The following EPB41L2 variants were observed in gnomAD, a reference collection of about 807,000 sequenced individuals.
The protein encoded by EPB41L2 is erythrocyte membrane protein band 4.1 like 2, also known as band 4.1-like protein 2.
A neutral mutation model predicts 113.0 loss-of-function variants in EPB41L2; 43 were observed. The ratio of observed to expected loss-of-function variants is 0.38; its 90% confidence interval spans 0.30 to 0.49. The LOEUF is 0.49. Among genes scored for constraint, EPB41L2 ranks in the 20% least tolerant of loss-of-function variants. The probability of loss-of-function intolerance (pLI) is 0.95; values close to 1 mark genes in which losing one functional copy is unlikely to be tolerated. For missense variants in EPB41L2, 1,147 were observed against 1,223.4 expected (o/e 0.94, Z 0.93); for synonymous variants, 442 against 436.7 (o/e 1.01, Z -0.15).
At chr6:130,903,060 C>T (rs886318566) in intron 6 of EPB41L2, among the ~76,000 whole-genome samples, 3 of 152,064 alleles carry the variant, frequency 2.0e-5, no homozygotes, top group African/African-American at 7.2e-5. Context: ...CTATATTGTT[C>T]CTCCCACTAG....
In EPB41L2 at chr6:130,890,474, AG is replaced by A. The variant is rs35374139; in HGVS notation, c.1488-9del. ...TGCTCTGGAGAAACAAGCCTATGGG[AG>A]GAAAAAAAAAAAAAAAGAGAGAGAG... is the stretch of plus-strand genomic sequence containing the variant. On this transcript the variant is annotated splice_polypyrimidine_tract_variant and intron_variant, in intron 10 of 19. Coordinates refer to ENST00000337057, the MANE Select transcript of EPB41L2 (RefSeq NM_001431.4). 0.11 allele frequency: 167,077 copies of A among 1,453,964 alleles called. 3,322 individuals are homozygous for A. The highest frequency in any genetic ancestry group is 0.24 in the African/African-American group (15,335 of 64,196). The allele number at this position is 1,453,964 out of a possible 1,614,324, so 90.1% of individuals were successfully genotyped here. A position where few individuals can be genotyped will look rare whatever the true frequency, so the allele number is the denominator to read the frequency against.
At chr6:130,952,981 T>C (rs1719704169) in intron 3 of EPB41L2, among the ~76,000 whole-genome samples, 1 of 150,356 alleles carries the variant, frequency 6.7e-6, no homozygotes, top group Admixed American at 6.7e-5. Flanking sequence ...AGTACGTTGG[T>C]CAGTCTTGTG....
At chr6:130,958,595 C>T (rs994617197) in intron 1 of EPB41L2, among the ~76,000 whole-genome samples, 1 of 151,236 alleles carries the variant, frequency 6.6e-6, no homozygotes, top group Admixed American at 6.6e-5. Flanking sequence ...ATTATTCAGA[C>T]AAAATAGCCA....
chr6:130,964,656 A>AAAT (rs879811797), intron 1 of EPB41L2, among the ~76,000 whole-genome samples: 146 of 151,826 alleles, frequency 9.6e-4, no homozygotes, highest in African/African-American at 2.8e-3. Context: ...TTGTTTACTA[A>AAAT]AATAATAATA....
intron 6 of EPB41L2, among the ~76,000 whole-genome samples, 192 bp from the exon 7 acceptor site, chr6:130,901,372 A>G (rs1796255020): frequency 1.3e-5 from 2 of 152,200 alleles, no homozygotes; most frequent in Non-Finnish European, 1.5e-5. Context: ...CTTGTGGCTT[A>G]TTTATAGAAA....
Position 130,952,059 on chromosome 6 carries a change from T to A in EPB41L2, c.705+3046A>T, listed in dbSNP as rs1335282668. ...TACTGCAACATAACCTAGTGAAAGC[T>A]GACAGTGATCAAACAAATGCAAGTT... On this transcript the variant is annotated intron_variant, in intron 3 of 19. Coordinates refer to ENST00000337057, the MANE Select transcript of EPB41L2 (RefSeq NM_001431.4). Among the ~76,000 whole-genome samples the A allele has an allele frequency of 5.9e-5, 9 of 152,184 alleles. 1 individual carries two copies. Among genetic ancestry groups the A allele is most frequent in the Admixed American group, 5.9e-4 (9 of 15,278 alleles).
intron 1 of EPB41L2, among the ~76,000 whole-genome samples, chr6:131,050,840 C>T (rs781555584): frequency 2.2e-4 from 33 of 152,250 alleles, no homozygotes; most frequent in Admixed American, 8.5e-4. Context: ...ATGATCTGTC[C>T]GCCTTGGCCT....
chr6:130,932,091 C>T (rs985855892), intron 3 of EPB41L2, among the ~76,000 whole-genome samples: 2 of 152,058 alleles, frequency 1.3e-5, no homozygotes, highest in African/African-American at 4.8e-5. Flanking sequence ...TTTTGAGCTG[C>T]TCTAAAATAA....
intron 1 of EPB41L2, among the ~76,000 whole-genome samples, chr6:131,008,517 G>T (rs1459738536): frequency 6.6e-6 from 1 of 152,256 alleles, no homozygotes; most frequent in Non-Finnish European, 1.5e-5. Context: ...CTGGGGCACT[G>T]CATGGTGAAG....
chr6:131,053,742 T>C (rs980921184), intron 1 of EPB41L2, among the ~76,000 whole-genome samples: 2 of 152,242 alleles, frequency 1.3e-5, no homozygotes, highest in African/African-American at 2.4e-5. Context: ...ATTCTACATT[T>C]ATGAGAAACA....
intron 1 of EPB41L2, among the ~76,000 whole-genome samples, chr6:131,023,321 C>G (rs925205841): frequency 2.0e-5 from 3 of 152,110 alleles, no homozygotes; most frequent in Non-Finnish European, 2.9e-5. Flanking sequence ...TATTTATTTT[C>G]CTGTGTTGTC....
intron 10 of EPB41L2, among the ~76,000 whole-genome samples, chr6:130,892,535 T>C (rs1793304990): frequency 1.3e-5 from 2 of 151,846 alleles, no homozygotes; most frequent in Admixed American, 6.6e-5. Flanking sequence ...AAATTTGTTA[T>C]GGCTACCAAG....
At chr6:130,896,469 C>T (rs775532348) in intron 8 of EPB41L2, among the ~76,000 whole-genome samples, 21 of 152,172 alleles carry the variant, frequency 1.4e-4, no homozygotes, top group Non-Finnish European at 2.4e-4. Flanking sequence ...AGAAGATTGC[C>T]CGAGACGGCA....
intron 1 of EPB41L2, among the ~76,000 whole-genome samples, chr6:130,967,022 C>A (rs1775402175): frequency 6.6e-6 from 1 of 152,162 alleles, no homozygotes; most frequent in African/African-American, 2.4e-5. Context: ...AGTTTAAGCT[C>A]AACACCCAAG....
chr6:130,904,764 G>A (rs185712366), intron 5 of EPB41L2, among the ~76,000 whole-genome samples: 1 of 151,810 alleles, frequency 6.6e-6, no homozygotes, highest in East Asian at 1.9e-4. Flanking sequence ...AAGAGTAATA[G>A]GTTCTCTTTC....
In EPB41L2 at chr6:130,890,363, G is replaced by A. The variant is rs1562403392; in HGVS notation, c.1591C>T (p.Leu531Phe). 6.2e-7 allele frequency: 1 copy of A among 1,613,806 alleles called. No individual in the cohort carries two copies. Among genetic ancestry groups the A allele is most frequent in the Non-Finnish European group, 8.5e-7 (1 of 1,179,888 alleles). ...AAGTGTGGTGCTGGCCTATCTATGA[G>A]GGTGCTGGCCTGGCGGGTCTGTGCT... ...TQAQTRQAST[L>F]IDRPAPHFER... The change falls in exon 11 of 20, where the codon CTC (leucine) becomes TTC (phenylalanine). Residue 531 changes from leucine (L) to phenylalanine (F), a missense_variant. Coordinates refer to ENST00000337057, the MANE Select transcript of EPB41L2 (RefSeq NM_001431.4).
At chr6:130,867,322 G>GAAGTAC (rs1477662663) in intron 16 of EPB41L2, 137 bp downstream of exon 16, 1 of 1,111,886 alleles carries the variant, frequency 9.0e-7, no homozygotes, top group East Asian at 2.4e-5. Flanking sequence ...TTATGTTGTT[G>GAAGTAC]AAGTACACTT....
chr6:131,043,449 C>T (rs936738320), intron 1 of EPB41L2, among the ~76,000 whole-genome samples: 1 of 151,962 alleles, frequency 6.6e-6, no homozygotes, highest in East Asian at 1.9e-4. Context: ...TGATGAAAAG[C>T]CTCTGCATGT....
chr6:130,944,612 T>C (rs138015661), intron 3 of EPB41L2, among the ~76,000 whole-genome samples: 496 of 152,272 alleles, frequency 3.3e-3, no homozygotes, highest in Non-Finnish European at 5.9e-3. Flanking sequence ...GAGAGCTGGA[T>C]TTGAGTTGGA....
Sources: gnomAD v4.1 joint callset for allele counts (sites outside exome capture counted in the v4.1 genomes callset) on GRCh38, gnomAD v4.1.1 for gene constraint, MANE v1.5 for transcripts, NCBI Gene and HGNC (gene_info 2026-07-23, HGNC 2026-07-21) for gene names.